Variants in FGF1 observed in about 807,000 individuals in gnomAD.
FGF1 encodes the protein fibroblast growth factor 1.
In FGF1, 9 loss-of-function variants were observed where a neutral mutation model predicts 13.4. The ratio of observed to expected loss-of-function variants is 0.67; its 90% CI spans 0.40 to 1.17. The LOEUF (loss-of-function observed/expected upper bound fraction) is 1.17. FGF1 is among the 50% of genes most tolerant of loss of function. The pLI, the probability that FGF1 is intolerant of heterozygous loss-of-function variation, is 0.01. For synonymous variants in FGF1, 93 were observed against 79.0 expected (o/e 1.18, Z -0.94); for missense variants, 156 against 192.7 (o/e 0.81, Z 1.13).
intron 1 of FGF1, among the ~76,000 whole-genome samples, chr5:142,620,884 A>G (rs1761449088): frequency 6.6e-6 from 1 of 152,262 alleles, no homozygotes; most frequent in South Asian, 2.1e-4. Flanking sequence ...TGTTTCATTC[A>G]GACTATTCTT....
intron 2 of FGF1, among the ~76,000 whole-genome samples, chr5:142,610,983 A>G (rs1030100016): frequency 6.6e-6 from 1 of 152,240 alleles, no homozygotes; most frequent in South Asian, 2.1e-4. Flanking sequence ...GCTCAAAGGC[A>G]TACGGTTCTA....
At chr5:142,659,529 A>T (rs1287246177) in intron 1 of FGF1, among the ~76,000 whole-genome samples, 2 of 152,056 alleles carry the variant, frequency 1.3e-5, no homozygotes, top group East Asian at 3.9e-4. Context: ...CCCTTGCATC[A>T]GTTTTAAGGG....
rs746078717 is a variant in FGF1, at chr5:142,609,703, AG to A, written c.169+4255del. 3.3e-5 allele frequency among the ~76,000 whole-genome samples: 5 copies of A among 152,364 alleles called. No individual in the cohort carries two copies. In the East Asian group the frequency reaches 7.7e-4, roughly 23 times the overall value. ...TCAGCTGGTTAGGTGAGGAAGGCTC[AG>A]GAATCCCGGAAGAATGATGATCAAT... On this transcript the variant is annotated intron_variant, in intron 2 of 3. Transcript: ENST00000337706.
chr5:142,651,233 G>A (rs1053588065), intron 1 of FGF1, among the ~76,000 whole-genome samples: 42 of 152,206 alleles, frequency 2.8e-4, no homozygotes, highest in African/African-American at 1.0e-3. Flanking sequence ...AACCCACCAC[G>A]ACTTGCCTAG....
At chr5:142,642,207 A>G (rs1261519484) in intron 1 of FGF1, among the ~76,000 whole-genome samples, 1 of 152,214 alleles carries the variant, frequency 6.6e-6, no homozygotes, top group African/African-American at 2.4e-5. Flanking sequence ...TGCTGTCAGC[A>G]GTGACCTTAC....
chr5:142,643,226 C>T (rs1765473745), intron 1 of FGF1, among the ~76,000 whole-genome samples: 2 of 151,584 alleles, frequency 1.3e-5, no homozygotes, highest in African/African-American at 4.9e-5. Context: ...TAACAATTAT[C>T]GAAGATATAA....
chr5:142,620,567 C>A (rs1416765639), intron 1 of FGF1, among the ~76,000 whole-genome samples: 1 of 152,158 alleles, frequency 6.6e-6, no homozygotes, highest in Non-Finnish European at 1.5e-5. Flanking sequence ...ATGTATATAT[C>A]TAATGACATA....
At chr5:142,605,196 C>T (rs1757381599) in intron 2 of FGF1, among the ~76,000 whole-genome samples, 1 of 151,920 alleles carries the variant, frequency 6.6e-6, no homozygotes, top group Non-Finnish European at 1.5e-5. Flanking sequence ...CAACCTCCAC[C>T]TCCCAGTTCA....
Position 142,604,224 on chromosome 5 carries a change from A to G in FGF1, c.170-3419T>C, listed in dbSNP as rs574130653. On this transcript the variant is annotated intron_variant, in intron 2 of 3. Transcript: ENST00000337706. ...GTTAAGTTGTAAGAAAATCCATTGC[A>G]TTGTACAACTTAAATAGGTGAATTG... Among the ~76,000 whole-genome samples the G allele has an allele frequency of 5.9e-5, 9 of 152,344 alleles. No individual in the cohort carries two copies. The South Asian group carries it at 1.9e-3, about 32-fold the overall frequency.
chr5:142,681,346 C>A (rs1042546952), intron 1 of FGF1, among the ~76,000 whole-genome samples: 7 of 152,110 alleles, frequency 4.6e-5, no homozygotes, highest in African/African-American at 1.7e-4. Context: ...ATTGTAAGGC[C>A]CCCTGGCCCA....
At chr5:142,682,197 T>C (rs1481884698) in intron 1 of FGF1, among the ~76,000 whole-genome samples, 1 of 152,078 alleles carries the variant, frequency 6.6e-6, no homozygotes, top group Non-Finnish European at 1.5e-5. Flanking sequence ...GTGATTCTCC[T>C]GCCTCAGCCT....
At chr5:142,697,783 C>T (rs1753364079) in intron 1 of FGF1, 1 of 152,206 alleles carries the variant, frequency 6.6e-6, no homozygotes, top group East Asian at 1.9e-4. Flanking sequence ...GAGGCGATGC[C>T]CTGATTCCCC....
In FGF1 at chr5:142,593,136, G is replaced by A. The variant is rs889544851; in HGVS notation, c.*2154C>T. On this transcript the variant is annotated 3_prime_UTR_variant, in exon 4 of 4. Transcript: ENST00000337706. ...GACTTCCATTTCACAAGTTAGCAAT[G>A]GTATTTAATTTTCCTTGGCCAATGT... The A allele has an allele frequency of 6.6e-6, 1 of 152,136 alleles. No individual in the cohort carries two copies. The highest frequency in any genetic ancestry group is 6.6e-5 in the Admixed American group (1 of 15,254). 9.4% of individuals were successfully genotyped at this position (152,136 alleles called of 1,614,324 possible).
rs146273968 is a variant in FGF1 at position 142,614,174 on chromosome 5, G to C, written c.-34-13C>G. The C allele has an allele frequency of 1.1e-5, 18 of 1,604,370 alleles. No homozygotes were observed. The highest frequency in any genetic ancestry group is 1.7e-5 in the Admixed American group (1 of 59,484). ...GGCGCTTTCAAGACTGTAAGAAATT[G>C]AACAAACCTGTAGTCGGTTCTTCCA... is the stretch of plus-strand genomic sequence containing the variant. On this transcript the variant is annotated splice_polypyrimidine_tract_variant and intron_variant, in intron 1 of 3. Coordinates refer to ENST00000337706, the MANE Select transcript of FGF1 (RefSeq NM_000800.5).
chr5:142,658,516 G>A (rs922309244), intron 1 of FGF1, among the ~76,000 whole-genome samples: 1 of 152,172 alleles, frequency 6.6e-6, no homozygotes, highest in Non-Finnish European at 1.5e-5. Context: ...TAAGCACCCA[G>A]GATGTGTCAT....
At chr5:142,633,502 G>C (rs569507741) in intron 1 of FGF1, among the ~76,000 whole-genome samples, 1 of 152,158 alleles carries the variant, frequency 6.6e-6, no homozygotes, top group African/African-American at 2.4e-5. Context: ...GTAAAAAAGA[G>C]GCTTGCTTCC....
intron 1 of FGF1, among the ~76,000 whole-genome samples, chr5:142,683,599 A>T (rs1036257878): frequency 6.6e-6 from 1 of 152,088 alleles, no homozygotes; most frequent in Non-Finnish European, 1.5e-5. Context: ...GGCCGGTTGG[A>T]TCACCTGACA....
At chr5:142,640,509 C>T (rs1765028360) in intron 1 of FGF1, among the ~76,000 whole-genome samples, 1 of 151,188 alleles carries the variant, frequency 6.6e-6, no homozygotes, top group Admixed American at 6.6e-5. Flanking sequence ...GAGCCACATG[C>T]ACCTAAGCCT....
intron 1 of FGF1, chr5:142,679,998 TG>T (rs1404731678): frequency 6.6e-6 from 1 of 152,256 alleles, no homozygotes; most frequent in African/African-American, 2.4e-5. Context: ...AAGAAGGACT[TG>T]TTCCAAGCCT....
Sources: gnomAD v4.1 joint callset for allele counts (sites outside exome capture counted in the v4.1 genomes callset) on GRCh38, gnomAD v4.1.1 for gene constraint, MANE v1.5 for transcripts, NCBI Gene and HGNC (gene_info 2026-07-23, HGNC 2026-07-21) for gene names.